The following PTPN9 variants were observed in gnomAD, a reference collection of about 807,000 sequenced individuals.
The protein encoded by PTPN9 is protein tyrosine phosphatase non-receptor type 9, also known as tyrosine-protein phosphatase non-receptor type 9.
Under a neutral mutation model 69.8 loss-of-function variants are expected in PTPN9, and 26 were observed. The observed-to-expected ratio is 0.37, with a 90% confidence interval of 0.27 to 0.52. The LOEUF (loss-of-function observed/expected upper bound fraction) is 0.52. Among genes scored for constraint, PTPN9 ranks in the 20% least tolerant of loss-of-function variants. The probability of loss-of-function intolerance (pLI) is 0.91; values close to 1 mark genes in which losing one functional copy is unlikely to be tolerated. For synonymous variants in PTPN9, 274 were observed against 272.5 expected (o/e 1.01, Z -0.05); for missense variants, 549 against 740.3 (o/e 0.74, Z 3.00).
intron 1 of PTPN9, among the ~76,000 whole-genome samples, chr15:75,550,463 A>G (rs1184789376): frequency 6.8e-6 from 1 of 147,650 alleles, no homozygotes; most frequent in Non-Finnish European, 1.5e-5. Flanking sequence ...ACCATGCCCA[A>G]CCAGTGGGGT....
At chr15:75,572,780 T>C (rs2075154585) in intron 1 of PTPN9, among the ~76,000 whole-genome samples, 1 of 152,110 alleles carries the variant, frequency 6.6e-6, no homozygotes, top group Admixed American at 6.6e-5. Context: ...AACAAGAAGA[T>C]ATAAAGAAAA....
At position 75,468,731 on chromosome 15, in the gene PTPN9, A is replaced by G; in HGVS notation, c.*38T>C. The G allele has an allele frequency of 1.9e-6, 3 of 1,594,198 alleles. No individual in the cohort carries two copies. Among genetic ancestry groups the G allele is most frequent in the Non-Finnish European group, 2.6e-6 (3 of 1,166,516 alleles). On this transcript the variant is annotated 3_prime_UTR_variant, in exon 13 of 13. Transcript: ENST00000618819. ...GCTCAGCGGTGTCCAGGGTAGTTTAAGGAAGGCTGGCCAACAGGTAGGAGG... is the reference window on the plus strand; with the variant it reads ...GCTCAGCGGTGTCCAGGGTAGTTTAGGGAAGGCTGGCCAACAGGTAGGAGG...
chr15:75,521,129 C>T (rs898756650), intron 4 of PTPN9, among the ~76,000 whole-genome samples: 5 of 146,402 alleles, frequency 3.4e-5, no homozygotes, highest in African/African-American at 1.2e-4. Flanking sequence ...GGATTACAGG[C>T]ATGAGCCACT....
chr15:75,480,576 T>A, intron 8 of PTPN9: 3 of 878,268 alleles, frequency 3.4e-6, no homozygotes, highest in Non-Finnish European at 4.3e-6. Context: ...CCGCGGGTGG[T>A]GGTTGGCGCG....
intron 1 of PTPN9, among the ~76,000 whole-genome samples, chr15:75,531,977 T>C (rs1442296193): frequency 2.6e-5 from 4 of 152,190 alleles, no homozygotes; most frequent in African/African-American, 9.6e-5. Flanking sequence ...TTTTTCCTGC[T>C]ACTTAGCTGG....
At chr15:75,513,506 C>T (rs1353939293) in intron 5 of PTPN9, 3 of 426,502 alleles carry the variant, frequency 7.0e-6, no homozygotes, top group Non-Finnish European at 1.4e-5. Flanking sequence ...GTGGATCACA[C>T]CTGTAATCCC....
At chr15:75,568,863 C>A (rs912040771) in intron 1 of PTPN9, among the ~76,000 whole-genome samples, 1 of 152,008 alleles carries the variant, frequency 6.6e-6, no homozygotes, top group Non-Finnish European at 1.5e-5. Flanking sequence ...AAAAAGTGAA[C>A]CAAACGCTTA....
intron 1 of PTPN9, among the ~76,000 whole-genome samples, chr15:75,573,877 C>CT (rs1385541184): frequency 6.6e-6 from 1 of 152,112 alleles, no homozygotes; most frequent in Non-Finnish European, 1.5e-5. Flanking sequence ...AGGTTAGAAT[C>CT]TAATCTAACT....
At chr15:75,531,593 T>G (rs1387110943) in intron 1 of PTPN9, among the ~76,000 whole-genome samples, 1 of 151,656 alleles carries the variant, frequency 6.6e-6, no homozygotes, top group Non-Finnish European at 1.5e-5. Flanking sequence ...GCTTTTTTTT[T>G]TTCTTTTGAG....
At chr15:75,559,820 GA>G (rs916433817) in intron 1 of PTPN9, among the ~76,000 whole-genome samples, 3 of 145,420 alleles carry the variant, frequency 2.1e-5, no homozygotes, top group Non-Finnish European at 4.6e-5. Flanking sequence ...CTGAAGAAAA[GA>G]AAAAAATGAA....
At chr15:75,524,378 A>C in intron 2 of PTPN9, 80 bp from the exon 3 acceptor site, 199 of 752,580 alleles carry the variant, frequency 2.6e-4, no homozygotes, top group Non-Finnish European at 3.8e-4. Context: ...ACCAAATCTC[A>C]GAGATAAGGT....
intron 7 of PTPN9, among the ~76,000 whole-genome samples, chr15:75,499,916 G>A (rs1301893987): frequency 1.3e-5 from 2 of 152,148 alleles, no homozygotes; most frequent in African/African-American, 4.8e-5. Context: ...AGTGGCTCAT[G>A]CCTGTAATCC....
intron 1 of PTPN9, among the ~76,000 whole-genome samples, chr15:75,577,684 C>A: frequency 6.6e-6 from 1 of 152,228 alleles, no homozygotes; most frequent in East Asian, 1.9e-4. Context: ...GCTGTGCTAG[C>A]AAATGTGGTC....
chr15:75,503,534 G>T (rs1454045851), intron 7 of PTPN9, among the ~76,000 whole-genome samples: 1 of 116,922 alleles, frequency 8.6e-6, no homozygotes, highest in Non-Finnish European at 1.9e-5. Flanking sequence ...CGCCCCGTCC[G>T]GGAGGGAGGT....
intron 8 of PTPN9, among the ~76,000 whole-genome samples, chr15:75,482,961 A>G (rs1385218549): frequency 6.6e-6 from 1 of 152,132 alleles, no homozygotes; most frequent in Non-Finnish European, 1.5e-5. Flanking sequence ...TCTCAAAAAA[A>G]AAAAAAATTC....
intron 1 of PTPN9, among the ~76,000 whole-genome samples, chr15:75,576,819 C>G (rs1454268176): frequency 2.6e-5 from 4 of 151,484 alleles, no homozygotes; most frequent in Non-Finnish European, 5.9e-5. Context: ...AAAAAACAAA[C>G]AAACAAACAA....
chr15:75,505,289 T>C (rs1361250708), intron 7 of PTPN9, among the ~76,000 whole-genome samples: 1 of 149,570 alleles, frequency 6.7e-6, no homozygotes, highest in Non-Finnish European at 1.5e-5. Flanking sequence ...CACCACTCCC[T>C]AATCTCAAGT....
intron 1 of PTPN9, among the ~76,000 whole-genome samples, chr15:75,530,370 T>C (rs893638045): frequency 5.5e-5 from 7 of 128,042 alleles, no homozygotes; most frequent in Non-Finnish European, 9.4e-5. Flanking sequence ...CCTGTCTCTA[T>C]AATAGATATA....
chr15:75,559,147 T>A (rs546989157), intron 1 of PTPN9, among the ~76,000 whole-genome samples: 4 of 151,566 alleles, frequency 2.6e-5, no homozygotes, highest in African/African-American at 9.7e-5. Context: ...CGCCGCCCCG[T>A]CTGGGATGTG....
Sources: allele counts gnomAD v4.1 joint callset (sites outside exome capture counted in the v4.1 genomes callset), GRCh38; gene constraint gnomAD v4.1.1; transcripts MANE v1.5; gene names NCBI Gene and HGNC (gene_info 2026-07-23, HGNC 2026-07-21).